The following USP9X variants were observed in gnomAD, a reference collection of about 807,000 sequenced individuals.
The protein encoded by USP9X is ubiquitin carboxyl-terminal hydrolase 9X.
In USP9X, 7 loss-of-function variants were observed where a neutral mutation model predicts 190.3. That is an observed-to-expected ratio of 0.04 (90% CI 0.02 to 0.07). The LOEUF (loss-of-function observed/expected upper bound fraction) is 0.07, where lower values mean the gene tolerates loss of function less well. Ranked by LOEUF, USP9X falls within the 10% of genes least tolerant of loss-of-function variation. The pLI, the probability that USP9X is intolerant of heterozygous loss-of-function variation, is 1.00. For missense variants in USP9X, 1,010 were observed against 1,916.9 expected (o/e 0.53, Z 8.83); for synonymous variants, 645 against 659.5 (o/e 0.98, Z 0.34).
intron 2 of USP9X, among the ~76,000 whole-genome samples, chrX:41,124,471 C>G (rs1338644933): frequency 9.0e-6 from 1 of 111,422 alleles, no homozygotes; most frequent in Non-Finnish European, 1.9e-5. Context: ...GAACATAGGT[C>G]TTGCATAGTA....
At chrX:41,166,450 T>G (rs1337661596) in intron 16 of USP9X, among the ~76,000 whole-genome samples, 1 of 111,610 alleles carries the variant, frequency 9.0e-6, no homozygotes, top group Non-Finnish European at 1.9e-5. Context: ...TATCTGTGTA[T>G]TCCATAGATG....
In USP9X at chrX:41,188,084, C is replaced by T; in HGVS notation, c.3777C>T (p.Ser1259=). The change falls in exon 25 of 45, where the codon AGC becomes AGT. Residue 1259 remains serine (S), a synonymous_variant. Coordinates refer to ENST00000378308, the MANE Select transcript of USP9X (RefSeq NM_001039591.3). ...GTGGGTCGTTACAGCTAGTATTTAG[C>T]CCAAATGAAGAAATCACTAAAATTT... ...SGCGSLQLVF[S]PNEEITKIYE... 3.3e-6 allele frequency: 4 copies of T among 1,208,167 alleles called. No individual in the cohort carries two copies. The highest frequency in any genetic ancestry group is 4.5e-6 in the Non-Finnish European group (4 of 893,393).
intron 43 of USP9X, among the ~76,000 whole-genome samples, 168 bp from the exon 44 acceptor site, chrX:41,230,331 GTT>G (rs1445771161): frequency 3.9e-5 from 2 of 51,339 alleles, no homozygotes; most frequent in African/African-American, 1.4e-4. Context: ...CAGGTTTTTT[GTT>G]TTGTTTTTTT....
intron 12 of USP9X, 131 bp from the exon 13 acceptor site, chrX:41,150,785 TTACTG>T (rs1387803508): frequency 3.1e-6 from 2 of 636,363 alleles, no homozygotes; most frequent in Admixed American, 4.6e-5. Context: ...ATTAAACTCT[TTACTG>T]TAATTACAAC....
chrX:41,191,926 G>A (rs902398456), intron 26 of USP9X, among the ~76,000 whole-genome samples: 3 of 111,245 alleles, frequency 2.7e-5, no homozygotes, highest in African/African-American at 9.8e-5. Flanking sequence ...TTGCCAGTGC[G>A]CTCTCTCTCT....
At chrX:41,129,363 T>G (rs974555178) in intron 3 of USP9X, among the ~76,000 whole-genome samples, 14 of 112,360 alleles carry the variant, frequency 1.2e-4, no homozygotes, top group African/African-American at 4.5e-4. Flanking sequence ...GTATGTTCAG[T>G]TTCCCTCTTG....
At chrX:41,161,444 A>G (rs1167865594) in intron 14 of USP9X, among the ~76,000 whole-genome samples, 2 of 98,522 alleles carry the variant, frequency 2.0e-5, no homozygotes, top group South Asian at 5.0e-4. Context: ...AGTTCAAGCA[A>G]TTCTCTTGCC....
chrX:41,134,717 T>G lies in USP9X; in HGVS notation c.323-8T>G. The G allele has an allele frequency of 8.3e-7, 1 of 1,199,545 alleles. No homozygotes were observed. The highest frequency in any genetic ancestry group is 1.1e-6 in the Non-Finnish European group (1 of 886,608). ...TTGTTTGCATTAATTTTTCTCCCTTTTTCTTAGGCCTTGATGTTAAAAGTG... is the reference window on the plus strand; with the variant it reads ...TTGTTTGCATTAATTTTTCTCCCTTGTTCTTAGGCCTTGATGTTAAAAGTG... On this transcript the variant is annotated splice_polypyrimidine_tract_variant and splice_region_variant and intron_variant, in intron 4 of 44. Coordinates refer to ENST00000378308, the MANE Select transcript of USP9X (RefSeq NM_001039591.3).
At chrX:41,123,413 C>A (rs568036802) in intron 1 of USP9X, 58 bp from the exon 2 acceptor site, 4 of 390,259 alleles carry the variant, frequency 1.0e-5, no homozygotes, top group Middle Eastern at 7.3e-4. Context: ...TCGAACAGTT[C>A]CATAATTCAT....
At position 41,180,834 on chromosome X, in the gene USP9X, C is replaced by A. The variant is rs1011739649; in HGVS notation, c.3149-3164C>A. ...AGTTTGTGTCTAAAACGTGGTAATACAATCTTTTGTAAAAGTCTGTTGTAA... is the reference window on the plus strand; with the variant it reads ...AGTTTGTGTCTAAAACGTGGTAATAAAATCTTTTGTAAAAGTCTGTTGTAA... On this transcript the variant is annotated intron_variant, in intron 21 of 44. Coordinates refer to ENST00000378308, the MANE Select transcript of USP9X (RefSeq NM_001039591.3). Among the ~76,000 whole-genome samples the A allele has an allele frequency of 2.7e-5, 3 of 112,176 alleles. No individual in the cohort carries two copies. The Admixed American group carries it at 2.8e-4, about 11-fold the overall frequency.
At chrX:41,092,818 A>G (rs2061963960) in intron 1 of USP9X, among the ~76,000 whole-genome samples, 1 of 110,983 alleles carries the variant, frequency 9.0e-6, no homozygotes, top group African/African-American at 3.3e-5. Context: ...GAGCTGTACA[A>G]AAACAGGAGG....
chrX:41,189,518 T>C, intron 26 of USP9X, 43 bp downstream of exon 26: 2 of 1,113,745 alleles, frequency 1.8e-6, no homozygotes, highest in Non-Finnish European at 2.4e-6. Flanking sequence ...TTTTTGTAAA[T>C]GGAGTGAATT....
At chrX:41,151,878 A>G (rs1289684549) in intron 13 of USP9X, among the ~76,000 whole-genome samples, 1 of 112,541 alleles carries the variant, frequency 8.9e-6, no homozygotes, top group African/African-American at 3.2e-5. Context: ...TTACTCGGGA[A>G]GCTGAGGCAC....
chrX:41,185,664 A>T (rs1053365514), intron 23 of USP9X, among the ~76,000 whole-genome samples: 8 of 108,308 alleles, frequency 7.4e-5, no homozygotes, highest in Admixed American at 9.8e-5. Context: ...TTTTTTTTTT[A>T]AAGTAGTTCT....
chrX:41,132,611 T>TTTCTTTCTTTC (rs2062332400), intron 4 of USP9X, among the ~76,000 whole-genome samples: 1 of 110,600 alleles, frequency 9.0e-6, no homozygotes, highest in Non-Finnish European at 1.9e-5. Context: ...GCTAATCTTT[T>TTTCTTTCTTTC]TTCTTTCTTT....
intron 14 of USP9X, among the ~76,000 whole-genome samples, chrX:41,162,584 ATTATT>A (rs1439835965): frequency 2.7e-5 from 3 of 112,037 alleles, no homozygotes; most frequent in Non-Finnish European, 3.8e-5. Context: ...TATTTAACAG[ATTATT>A]TTGTTTTGGT....
At chrX:41,232,206 G>A (rs1356312348) in intron 44 of USP9X, among the ~76,000 whole-genome samples, 181 bp from the exon 45 acceptor site, 1 of 89,403 alleles carries the variant, frequency 1.1e-5, no homozygotes, top group Non-Finnish European at 2.2e-5. Flanking sequence ...TTTACACTAC[G>A]TTTTTCAAGC....
chrX:41,085,795 A>G lies in USP9X; in HGVS notation c.-473A>G. On this transcript the variant is annotated 5_prime_UTR_variant, in exon 1 of 45. Transcript: ENST00000378308. ...GGAGGAGGTGACGCAGGAGAAACGC[A>G]CCGCCCGGAGCCCGTCTGAGCTCAG... 1 of 298,342 alleles carries G rather than the reference A, an allele frequency of 3.4e-6. No individual in the cohort carries two copies. The highest frequency in any genetic ancestry group is 5.9e-6 in the Non-Finnish European group (1 of 170,872). 24.6% of individuals were successfully genotyped at this position (298,342 alleles called of 1,213,427 possible).
rs757158684 is a variant in USP9X at position 41,232,523 on chromosome X, G to A, written c.7664G>A (p.Ter2555=). Residue 2555 remains the stop codon, a stop_retained_variant, in exon 45 of 45, where the codon TGA becomes TAA. Coordinates refer to ENST00000378308, the MANE Select transcript of USP9X (RefSeq NM_001039591.3). ...TCCCCACCTCAAACCAAGGATCAATGAAATGCACATAATTAACTGGTTCCA... is the reference window on the plus strand; with the variant it reads ...TCCCCACCTCAAACCAAGGATCAATAAAATGCACATAATTAACTGGTTCCA... ...EVSPPQTKDQ[*] 4.1e-6 allele frequency: 5 copies of A among 1,209,915 alleles called. No homozygotes were observed. In the Admixed American group the frequency reaches 1.1e-4, roughly 26 times the overall value.
Sources: gnomAD v4.1 joint callset for allele counts (sites outside exome capture counted in the v4.1 genomes callset) on GRCh38, gnomAD v4.1.1 for gene constraint, MANE v1.5 for transcripts, NCBI Gene and HGNC (gene_info 2026-07-23, HGNC 2026-07-21) for gene names.